TP53BP1: variants seen among roughly 807,000 people sequenced by gnomAD.
TP53BP1 encodes tumor protein p53 binding protein 1, also known as TP53-binding protein 1.
TP53BP1 carries 61 observed loss-of-function variants against 200.8 expected under a neutral mutation model. That is an observed-to-expected ratio of 0.30 (90% CI 0.25 to 0.38). The LOEUF is 0.38. TP53BP1 is among the 10% of genes least tolerant of loss of function. The probability of loss-of-function intolerance (pLI) is 1.00; values close to 1 mark genes in which losing one functional copy is unlikely to be tolerated. For synonymous variants in TP53BP1, 822 were observed against 844.3 expected, an observed-to-expected ratio of 0.97 and a Z score of 0.46; for missense variants, 2,144 against 2,371.9, an observed-to-expected ratio of 0.90 and a Z score of 2.00.
intron 1 of TP53BP1, among the ~76,000 whole-genome samples, 191 bp from the exon 2 acceptor site, chr15:43,492,659 G>A (rs1189045128): frequency 2.0e-5 from 3 of 151,942 alleles, no homozygotes; most frequent in African/African-American, 4.8e-5. Context: ...ACCATTCCTC[G>A]TTATTTACAA....
At position 43,421,009 on chromosome 15, in the gene TP53BP1, T is replaced by C. The variant is rs773419603; in HGVS notation, c.4250+16A>G. Reference sequence around the variant, plus strand: ...TCTGAACAACAGACTAAGTATATCTTACACTACCCAGGTACCTGGTTCCAG... The same window carrying C: ...TCTGAACAACAGACTAAGTATATCTCACACTACCCAGGTACCTGGTTCCAG... On this transcript the variant is annotated intron_variant, in intron 20 of 27. Coordinates refer to ENST00000382044, the MANE Select transcript of TP53BP1 (RefSeq NM_001141980.3). The C allele has an allele frequency of 6.2e-7, 1 of 1,607,934 alleles. No homozygotes were observed. Among genetic ancestry groups the C allele is most frequent in the Non-Finnish European group, 8.5e-7 (1 of 1,177,364 alleles).
At chr15:43,497,319 G>A (rs781163005), upstream of TP53BP1, 4 of 622,524 alleles carry the variant, frequency 6.4e-6, no homozygotes, top group Non-Finnish European at 6.0e-6. Context: ...GGCAGAGGTT[G>A]CAGTGAGCCG....
chr15:43,407,870 A>G (rs2044965689), intron 27 of TP53BP1, 73 bp downstream of exon 27: 39 of 1,455,286 alleles, frequency 2.7e-5, no homozygotes, highest in Non-Finnish European at 3.5e-5. Context: ...TGAGCCTTGG[A>G]CCACAAGGCC....
At chr15:43,499,018 AC>A (rs1566971441) in intron 1 of TP53BP1, among the ~76,000 whole-genome samples, 3 of 150,014 alleles carry the variant, frequency 2.0e-5, no homozygotes, top group East Asian at 3.9e-4. Flanking sequence ...AACAACAACA[AC>A]AAAAAAAAAA....
intron 27 of TP53BP1, 108 bp from the exon 28 acceptor site, chr15:43,407,678 G>T: frequency 9.2e-7 from 1 of 1,090,132 alleles, no homozygotes; most frequent in Non-Finnish European, 1.3e-6. Flanking sequence ...ACAAACCAAA[G>T]CCCTATTATG....
intron 16 of TP53BP1, among the ~76,000 whole-genome samples, chr15:43,437,154 G>T (rs1167143508): frequency 1.3e-5 from 2 of 149,740 alleles, no homozygotes; most frequent in Non-Finnish European, 3.0e-5. Flanking sequence ...GTGAGACCCT[G>T]TCTCTAAAAA....
chr15:43,509,638 A>G (rs920568791), intron 1 of TP53BP1, among the ~76,000 whole-genome samples: 8 of 152,132 alleles, frequency 5.3e-5, no homozygotes, highest in Admixed American at 5.2e-4. Context: ...TGAACTCCTG[A>G]CCTCAAGTGA....
rs1000651800 is a variant in TP53BP1 at position 43,438,265 on chromosome 15, G to A, written c.3191+59C>T. 5.1e-5 allele frequency: 74 copies of A among 1,456,148 alleles called. No individual in the cohort carries two copies. In the East Asian group the frequency reaches 1.5e-3, roughly 30 times the overall value. The allele number at this position is 1,456,148 out of a possible 1,614,324, so 90.2% of individuals were successfully genotyped here. ...ACAGCACAGTACATATTAGGATTTG[G>A]GCACTAACCATTTTGTGAACCAATG... On this transcript the variant is annotated intron_variant, in intron 16 of 27. Coordinates refer to ENST00000382044, the MANE Select transcript of TP53BP1 (RefSeq NM_001141980.3).
chr15:43,492,524 A>C, intron 1 of TP53BP1, 56 bp from the exon 2 acceptor site: 1 of 1,447,152 alleles, frequency 6.9e-7, no homozygotes, highest in Admixed American at 1.9e-5. Context: ...TTGCTCACGC[A>C]GTCTAAACCT....
At chr15:43,497,512 C>T (rs1595635065), upstream of TP53BP1, 2 of 936,028 alleles carry the variant, frequency 2.1e-6, no homozygotes, top group African/African-American at 1.8e-5. Context: ...GCTTTCTTTC[C>T]AATTCCTAAC....
chr15:43,406,600 G>A lies in TP53BP1; in HGVS notation c.*783C>T. On this transcript the variant is annotated 3_prime_UTR_variant, in exon 28 of 28. Transcript: ENST00000382044. ...AATATTTACTCTTTGACCCTTTACAGAAAAAAACCTTGTTGACCCCTGCTT... is the reference window on the plus strand; with the variant it reads ...AATATTTACTCTTTGACCCTTTACAAAAAAAAACCTTGTTGACCCCTGCTT... The A allele has an allele frequency of 2.2e-6, 1 of 455,940 alleles. No homozygotes were observed. The highest frequency in any genetic ancestry group is 4.4e-6 in the Non-Finnish European group (1 of 226,770). The allele number at this position is 455,940 out of a possible 1,614,324, so 28.2% of individuals were successfully genotyped here.
intron 4 of TP53BP1, among the ~76,000 whole-genome samples, chr15:43,485,281 A>G (rs1479797108): frequency 1.3e-5 from 2 of 152,130 alleles, no homozygotes; most frequent in Non-Finnish European, 2.9e-5. Context: ...GAAAATACTC[A>G]ATAGAAGGTA....
chr15:43,491,657 A>G lies in TP53BP1; in HGVS notation c.371+12T>C, dbSNP rs1309555902. The G allele has an allele frequency of 1.2e-6, 2 of 1,602,216 alleles. No homozygotes were observed. Among genetic ancestry groups the G allele is most frequent in the Non-Finnish European group, 8.6e-7 (1 of 1,169,340 alleles). The stretch of plus-strand genomic sequence containing the variant: ...TAATACATTTAAATAAACCCCTTCA[A>G]ACACTGTATACCTGCTTGTCCTGTT... On this transcript the variant is annotated intron_variant, in intron 4 of 27. Coordinates refer to ENST00000382044, the MANE Select transcript of TP53BP1 (RefSeq NM_001141980.3).
chr15:43,438,781 A>C (rs1470691087), intron 15 of TP53BP1, among the ~76,000 whole-genome samples: 1 of 141,362 alleles, frequency 7.1e-6, no homozygotes, highest in African/African-American at 2.8e-5. Flanking sequence ...TCTGTATTTT[A>C]AAAGACTTAA....
intron 10 of TP53BP1, among the ~76,000 whole-genome samples, chr15:43,471,981 G>T (rs1408657086): frequency 2.0e-5 from 3 of 152,178 alleles, no homozygotes; most frequent in Non-Finnish European, 2.9e-5. Flanking sequence ...AAACTTTGTA[G>T]CAGAAGAAAG....
At chr15:43,434,906 G>A (rs1199685549) in intron 16 of TP53BP1, among the ~76,000 whole-genome samples, 3 of 152,136 alleles carry the variant, frequency 2.0e-5, no homozygotes, top group African/African-American at 7.2e-5. Flanking sequence ...CTCTCCATTA[G>A]TTCCAGCTAT....
upstream of TP53BP1, among the ~76,000 whole-genome samples, chr15:43,494,273 G>T (rs1215359394): frequency 6.6e-6 from 1 of 152,160 alleles, no homozygotes; most frequent in South Asian, 2.1e-4. Context: ...GCCCAACCAT[G>T]ATTCTCCATT....
chr15:43,481,771 C>T (rs557636266), intron 4 of TP53BP1, among the ~76,000 whole-genome samples: 20 of 148,756 alleles, frequency 1.3e-4, no homozygotes, highest in African/African-American at 4.2e-4. Context: ...GCCGAGATCG[C>T]GCCACTGCAC....
chr15:43,448,805 A>T (rs1026355194), intron 12 of TP53BP1, among the ~76,000 whole-genome samples: 3 of 152,220 alleles, frequency 2.0e-5, no homozygotes, highest in Non-Finnish European at 2.9e-5. Flanking sequence ...GAAATAAAGG[A>T]TTAAAGTACA....
Sources: gnomAD v4.1 joint callset for allele counts (sites outside exome capture counted in the v4.1 genomes callset) on GRCh38, gnomAD v4.1.1 for gene constraint, MANE v1.5 for transcripts, NCBI Gene and HGNC (gene_info 2026-07-23, HGNC 2026-07-21) for gene names.